The following TRAF3 variants were observed in gnomAD, a reference collection of about 807,000 sequenced individuals.
TRAF3 encodes the protein TNF receptor-associated factor 3.
Under a neutral mutation model 62.3 loss-of-function variants are expected in TRAF3, and 13 were observed. The observed-to-expected ratio is 0.21, with a 90% CI of 0.14 to 0.33. The LOEUF (loss-of-function observed/expected upper bound fraction) is 0.33, where lower values mean the gene tolerates loss of function less well. Ranked by LOEUF, TRAF3 falls within the 10% of genes least tolerant of loss-of-function variation. The pLI, the probability that TRAF3 is intolerant of heterozygous loss-of-function variation, is 1.00. For synonymous variants in TRAF3, 269 were observed against 283.4 expected, an observed-to-expected ratio of 0.95 and a Z score of 0.51; for missense variants, 440 against 741.8, an observed-to-expected ratio of 0.59 and a Z score of 4.73.
intron 1 of TRAF3, among the ~76,000 whole-genome samples, chr14:102,781,110 G>A (rs183920130): frequency 6.6e-5 from 10 of 152,308 alleles, no homozygotes; most frequent in Non-Finnish European, 1.2e-4. Context: ...TCTGGGAAGC[G>A]GCGTTGAGTT....
intron 4 of TRAF3, among the ~76,000 whole-genome samples, chr14:102,874,279 C>A (rs1292053931): frequency 6.6e-6 from 1 of 152,124 alleles, no homozygotes; most frequent in African/African-American, 2.4e-5. Context: ...CTTTTTGAGA[C>A]AGAGTCTCAC....
intron 1 of TRAF3, among the ~76,000 whole-genome samples, chr14:102,828,128 G>A (rs1900435895): frequency 6.6e-6 from 1 of 152,260 alleles, no homozygotes; most frequent in African/African-American, 2.4e-5. Flanking sequence ...CTAGGAGACA[G>A]GTAGGAAATC....
At chr14:102,803,633 G>A (rs1280374424) in intron 1 of TRAF3, among the ~76,000 whole-genome samples, 3 of 151,402 alleles carry the variant, frequency 2.0e-5, no homozygotes, top group Admixed American at 2.0e-4. Flanking sequence ...CTGGACTCAA[G>A]CTCCTGGGCT....
intron 7 of TRAF3, among the ~76,000 whole-genome samples, chr14:102,887,934 TG>T (rs1889492859): frequency 6.6e-6 from 1 of 152,208 alleles, no homozygotes; most frequent in Non-Finnish European, 1.5e-5. Context: ...CCTGCATTTC[TG>T]TTGGGTTTCT....
In TRAF3 at chr14:102,870,867, C is replaced by T. The variant is rs918570251; in HGVS notation, c.245+421C>T. 3.3e-5 allele frequency among the ~76,000 whole-genome samples: 5 copies of T among 152,222 alleles called. No individual in the cohort carries two copies. In the East Asian group the frequency reaches 5.8e-4, roughly 18 times the overall value. ...TTAAAGGACTGGACAGGTCCCTACC[C>T]GAGCAGAAACCTAGGCCGCATGCTT... is the stretch of plus-strand genomic sequence containing the variant. On this transcript the variant is annotated intron_variant, in intron 3 of 11. Transcript: ENST00000392745.
chr14:102,873,942 A>G (rs1379224793), intron 4 of TRAF3, among the ~76,000 whole-genome samples: 1 of 152,124 alleles, frequency 6.6e-6, no homozygotes, highest in Non-Finnish European at 1.5e-5. Flanking sequence ...TTGGACTAAG[A>G]TGTTGTAGAT....
At chr14:102,823,549 C>A (rs562438168) in intron 1 of TRAF3, among the ~76,000 whole-genome samples, 2 of 152,238 alleles carry the variant, frequency 1.3e-5, no homozygotes, top group African/African-American at 4.8e-5. Flanking sequence ...ATTGTTTTGA[C>A]TAGTGAGAAG....
At chr14:102,795,616 G>GTGTGTGTA (rs1374495391) in intron 1 of TRAF3, among the ~76,000 whole-genome samples, 3 of 151,756 alleles carry the variant, frequency 2.0e-5, no homozygotes, top group Admixed American at 6.6e-5. Flanking sequence ...GTGTGTGTGT[G>GTGTGTGTA]TGTGCATAGT....
intron 1 of TRAF3, among the ~76,000 whole-genome samples, chr14:102,795,596 ATATGTG>A (rs1898034024): frequency 1.5e-5 from 2 of 129,194 alleles, no homozygotes; most frequent in African/African-American, 3.0e-5. Context: ...TGATATGTAT[ATATGTG>A]TGTGTGTGTG....
chr14:102,902,036 T>C (rs1366102402), intron 10 of TRAF3, among the ~76,000 whole-genome samples: 1 of 152,228 alleles, frequency 6.6e-6, no homozygotes, highest in African/African-American at 2.4e-5. Context: ...AGGTGGACAC[T>C]CCAGCCCCTT....
intron 9 of TRAF3, among the ~76,000 whole-genome samples, chr14:102,893,832 T>C (rs933465128): frequency 2.0e-5 from 3 of 152,230 alleles, no homozygotes; most frequent in African/African-American, 7.2e-5. Flanking sequence ...CCAGCTCGGC[T>C]CTGCACGTTC....
intron 10 of TRAF3, among the ~76,000 whole-genome samples, chr14:102,901,303 G>T (rs548768621): frequency 3.3e-5 from 5 of 152,166 alleles, no homozygotes; most frequent in Non-Finnish European, 7.3e-5. Context: ...AGCGTGAGGC[G>T]CAGCTTGTCT....
chr14:102,872,066 C>G, intron 4 of TRAF3, 98 bp downstream of exon 4: 2 of 1,339,558 alleles, frequency 1.5e-6, no homozygotes, highest in South Asian at 1.2e-5. Flanking sequence ...AACACATTCT[C>G]TCAGTTTTGG....
chr14:102,900,213 G>A (rs1595410911), intron 10 of TRAF3, among the ~76,000 whole-genome samples: 1 of 140,768 alleles, frequency 7.1e-6, no homozygotes. Context: ...AGACAGCCTA[G>A]GCCGGTAGGC....
intron 2 of TRAF3, among the ~76,000 whole-genome samples, chr14:102,836,376 A>C (rs1293700589): frequency 1.3e-5 from 2 of 152,258 alleles, no homozygotes. Context: ...ATTGTTGAGA[A>C]TAGAATATTT....
intron 1 of TRAF3, among the ~76,000 whole-genome samples, chr14:102,828,404 G>A (rs546392725): frequency 6.6e-6 from 1 of 152,176 alleles, no homozygotes; most frequent in Non-Finnish European, 1.5e-5. Flanking sequence ...ATACTCCTCC[G>A]GACCTGGCAG....
At chr14:102,885,534 G>A (rs566988819) in intron 6 of TRAF3, among the ~76,000 whole-genome samples, 21 of 152,306 alleles carry the variant, frequency 1.4e-4, no homozygotes, top group Admixed American at 2.6e-4. Flanking sequence ...GGTGCCCATG[G>A]GATAGGGCTT....
At chr14:102,785,808 C>T (rs1897469248) in intron 1 of TRAF3, among the ~76,000 whole-genome samples, 1 of 152,130 alleles carries the variant, frequency 6.6e-6, no homozygotes, top group African/African-American at 2.4e-5. Context: ...GTACCTGCTC[C>T]AGGAAGGGCT....
intron 2 of TRAF3, among the ~76,000 whole-genome samples, chr14:102,845,210 T>G (rs1402787338): frequency 1.4e-5 from 2 of 141,726 alleles, no homozygotes; most frequent in Admixed American, 7.0e-5. Flanking sequence ...AAATTTTTTG[T>G]TTTTTTTTTT....
Sources: gnomAD v4.1 joint callset for allele counts (sites outside exome capture counted in the v4.1 genomes callset) on GRCh38, gnomAD v4.1.1 for gene constraint, MANE v1.5 for transcripts, NCBI Gene and HGNC (gene_info 2026-07-23, HGNC 2026-07-21) for gene names.